The following DAB1 variants were observed in gnomAD, a reference collection of about 807,000 sequenced individuals.
DAB1 encodes disabled homolog 1.
In DAB1, 15 loss-of-function variants were observed where a neutral mutation model predicts 64.6. That is an observed-to-expected ratio of 0.23 (90% CI 0.16 to 0.36). The LOEUF is 0.36. Among genes scored for constraint, DAB1 ranks in the 10% least tolerant of loss-of-function variants. The probability of loss-of-function intolerance (pLI) is 1.00; values close to 1 mark genes in which losing one functional copy is unlikely to be tolerated. For missense variants in DAB1, 596 were observed against 706.7 expected, an observed-to-expected ratio of 0.84 and a Z score of 1.78; for synonymous variants, 235 against 251.9, an observed-to-expected ratio of 0.93 and a Z score of 0.64.
intron 3 of DAB1, among the ~76,000 whole-genome samples, chr1:58,474,179 C>G (rs1304421818): frequency 2.0e-5 from 3 of 152,104 alleles, no homozygotes; most frequent in African/African-American, 7.2e-5. Flanking sequence ...CAGCTTGCAG[C>G]ACAATGGGAT....
At chr1:58,078,981 C>T (rs973910456) in intron 5 of DAB1, among the ~76,000 whole-genome samples, 3 of 152,180 alleles carry the variant, frequency 2.0e-5, no homozygotes, top group African/African-American at 7.2e-5. Flanking sequence ...GGAGAGCAGG[C>T]TGATGAGAAT....
intron 6 of DAB1, among the ~76,000 whole-genome samples, chr1:57,756,456 T>C (rs532967833): frequency 6.6e-6 from 1 of 150,868 alleles, no homozygotes; most frequent in East Asian, 2.0e-4. Flanking sequence ...AAAGTGGGAG[T>C]GGGGGTTGGC....
chr1:57,837,489 T>C (rs983812345), intron 1 of DAB1, among the ~76,000 whole-genome samples: 4 of 152,114 alleles, frequency 2.6e-5, no homozygotes, highest in African/African-American at 4.8e-5. Context: ...GGTGGATGAC[T>C]AGATGGTGAT....
chr1:57,158,832 G>A (rs948975711), intron 2 of DAB1, among the ~76,000 whole-genome samples: 1 of 152,136 alleles, frequency 6.6e-6, no homozygotes, highest in South Asian at 2.1e-4. Flanking sequence ...ACTAATTAAA[G>A]AGCTAAAATA....
intron 1 of DAB1, among the ~76,000 whole-genome samples, chr1:57,315,140 CCTT>C (rs1412238117): frequency 1.2e-4 from 18 of 152,116 alleles, no homozygotes; most frequent in African/African-American, 4.1e-4. Flanking sequence ...TCTCTTGGCT[CCTT>C]CTTGTCTTAT....
At chr1:57,378,434 T>G (rs1350244462) in intron 1 of DAB1, among the ~76,000 whole-genome samples, 1 of 152,188 alleles carries the variant, frequency 6.6e-6, no homozygotes, top group Non-Finnish European at 1.5e-5. Flanking sequence ...TCCTCAAATT[T>G]GAATCTTTTT....
intron 4 of DAB1, among the ~76,000 whole-genome samples, chr1:58,325,165 C>A (rs1569644302): frequency 6.6e-6 from 1 of 152,172 alleles, no homozygotes; most frequent in Non-Finnish European, 1.5e-5. Flanking sequence ...AACCCCAAGC[C>A]TAAAGGAGCT....
At chr1:57,058,103 C>T (rs1356984296) in intron 9 of DAB1, among the ~76,000 whole-genome samples, 2 of 152,086 alleles carry the variant, frequency 1.3e-5, no homozygotes, top group African/African-American at 4.8e-5. Flanking sequence ...TTTGGCTTTG[C>T]CTGATGCTGA....
At chr1:58,482,221 C>T (rs555166847) in intron 3 of DAB1, among the ~76,000 whole-genome samples, 2 of 152,098 alleles carry the variant, frequency 1.3e-5, no homozygotes, top group East Asian at 1.9e-4. Flanking sequence ...AGAGGGCTTA[C>T]GTCTCATCCT....
chr1:58,275,933 C>T (rs1037274989), intron 4 of DAB1, among the ~76,000 whole-genome samples: 1 of 152,172 alleles, frequency 6.6e-6, no homozygotes, highest in Non-Finnish European at 1.5e-5. Flanking sequence ...AAATCTCTAA[C>T]AACAGATAAC....
chr1:58,491,327 C>T lies in DAB1; in HGVS notation n.257+14733G>A, dbSNP rs551839469. On this transcript the variant is annotated intron_variant and non_coding_transcript_variant, in intron 3 of 20. Coordinates refer to the DAB1 transcript ENST00000485760. ...GCAAAAACATGCCAAATTGTAAAGA[C>T]CATCAAGGCTAGGAAGAAACTGCAT... 2.6e-5 allele frequency among the ~76,000 whole-genome samples: 4 copies of T among 152,252 alleles called. No individual in the cohort carries two copies. In the South Asian group the frequency reaches 8.3e-4, roughly 32 times the overall value.
intron 7 of DAB1, among the ~76,000 whole-genome samples, chr1:57,448,286 A>G (rs1300061078): frequency 6.6e-6 from 1 of 152,244 alleles, no homozygotes; most frequent in African/African-American, 2.4e-5. Flanking sequence ...CTCAGTTGTC[A>G]TATTTTTCCA....
intron 7 of DAB1, among the ~76,000 whole-genome samples, chr1:57,604,105 A>G (rs942494220): frequency 3.3e-5 from 5 of 152,202 alleles, no homozygotes; most frequent in African/African-American, 1.2e-4. Flanking sequence ...GTATGACTCC[A>G]TAAGACTTCA....
Position 58,334,589 on chromosome 1 carries a change from CTTATA to C in DAB1, n.309+8758_309+8762del, listed in dbSNP as rs199783338. On this transcript the variant is annotated intron_variant and non_coding_transcript_variant, in intron 4 of 20. Transcript: ENST00000485760. ...GCAATAGAGCCTTTGAGCTATTTAT[CTTATA>C]TTATATTACATTATATTATATTATA... 3.8e-3 allele frequency among the ~76,000 whole-genome samples: 562 copies of C among 146,568 alleles called. 12 individuals carry two copies. Among genetic ancestry groups the C allele is most frequent in the Admixed American group, 0.031 (443 of 14,384 alleles).
chr1:57,654,735 G>T (rs1030227542), intron 6 of DAB1, among the ~76,000 whole-genome samples: 1 of 151,678 alleles, frequency 6.6e-6, no homozygotes, highest in Non-Finnish European at 1.5e-5. Flanking sequence ...TTTCTCTGTT[G>T]CTTTTGCATT....
chr1:58,343,991 G>A (rs146471241), intron 3 of DAB1, among the ~76,000 whole-genome samples: 54 of 152,260 alleles, frequency 3.5e-4, no homozygotes, highest in Admixed American at 7.9e-4. Flanking sequence ...CATATAGTGG[G>A]CACTCAACAA....
chr1:58,520,883 A>G (rs1419208176), intron 2 of DAB1, among the ~76,000 whole-genome samples: 2 of 152,202 alleles, frequency 1.3e-5, no homozygotes, highest in Non-Finnish European at 2.9e-5. Context: ...ACCTCTCTTG[A>G]TAACTACAAA....
chr1:58,481,076 T>C lies in DAB1; in HGVS notation n.257+24984A>G, dbSNP rs551484052. 7 of 872,112 alleles carry C rather than the reference T, an allele frequency of 8.0e-6. 1 individual carries two copies. Among genetic ancestry groups the C allele is most frequent in the South Asian group, 6.5e-5 (5 of 76,510 alleles). 54.0% of individuals were successfully genotyped at this position (872,112 alleles called of 1,614,324 possible). ...TCGTGATATTTAGGTCTTCTTTCTCTGATTCTTCAAGAAAATGCTTCGTGC... is the reference window on the plus strand; with the variant it reads ...TCGTGATATTTAGGTCTTCTTTCTCCGATTCTTCAAGAAAATGCTTCGTGC... On this transcript the variant is annotated intron_variant and non_coding_transcript_variant, in intron 3 of 20. Coordinates refer to the DAB1 transcript ENST00000485760.
intron 7 of DAB1, among the ~76,000 whole-genome samples, chr1:57,646,443 C>G (rs2101649242): frequency 1.3e-5 from 2 of 152,246 alleles, no homozygotes; most frequent in East Asian, 3.9e-4. Context: ...TGAGTACATG[C>G]TGGTGCACAA....
Sources: gnomAD v4.1 joint callset for allele counts (sites outside exome capture counted in the v4.1 genomes callset) on GRCh38, gnomAD v4.1.1 for gene constraint, MANE v1.5 for transcripts, NCBI Gene and HGNC (gene_info 2026-07-23, HGNC 2026-07-21) for gene names.